WDR59: variants seen among roughly 807,000 people sequenced by gnomAD.
WDR59 encodes GATOR2 complex protein WDR59.
In WDR59, 100 loss-of-function variants were observed where a neutral mutation model predicts 131.2. The ratio of observed to expected loss-of-function variants is 0.76; its 90% CI spans 0.65 to 0.90. The LOEUF (loss-of-function observed/expected upper bound fraction) is 0.90. WDR59 is among the 40% of genes least tolerant of loss of function. The pLI is 0.00. For synonymous variants in WDR59, 601 were observed against 466.2 expected (o/e 1.29, Z -3.72); for missense variants, 1,203 against 1,262.2 (o/e 0.95, Z 0.71).
At chr16:74,968,510 A>G (rs2033862362) in intron 1 of WDR59, among the ~76,000 whole-genome samples, 1 of 152,076 alleles carries the variant, frequency 6.6e-6, no homozygotes, top group Non-Finnish European at 1.5e-5. Context: ...CACCTGAGGT[A>G]AGGAGTTCAA....
intron 8 of WDR59, among the ~76,000 whole-genome samples, chr16:74,927,598 A>AAC (rs1237491788): frequency 6.6e-6 from 1 of 151,242 alleles, no homozygotes; most frequent in East Asian, 1.9e-4. Flanking sequence ...AAAAAAAAAA[A>AAC]AAAAAAAAAG....
intron 1 of WDR59, among the ~76,000 whole-genome samples, chr16:74,979,973 C>G (rs182976860): frequency 1.3e-5 from 2 of 151,296 alleles, no homozygotes; most frequent in African/African-American, 4.9e-5. Flanking sequence ...CTCAGCCTCC[C>G]GAGTAGCTGG....
At chr16:74,938,069 G>A (rs2031943904) in intron 8 of WDR59, 81 bp downstream of exon 8, 3 of 994,918 alleles carry the variant, frequency 3.0e-6, no homozygotes, top group African/African-American at 3.3e-5. Flanking sequence ...ACACACTGCA[G>A]CTTTCCAACC....
chr16:74,905,267 C>T (rs796884403), intron 17 of WDR59, among the ~76,000 whole-genome samples: 7 of 151,884 alleles, frequency 4.6e-5, no homozygotes, highest in African/African-American at 7.2e-5. Context: ...CCCAGCTACT[C>T]GGGAGGTTGA....
chr16:74,912,182 G>C lies in WDR59; in HGVS notation c.1389+16C>G, dbSNP rs530139444. On this transcript the variant is annotated intron_variant, in intron 14 of 25. Coordinates refer to ENST00000262144, the MANE Select transcript of WDR59 (RefSeq NM_030581.4). ...ATGCAGAACAGCAAGGAGAATTTGGGAACCCAGACCCCCACCTTCAGCAGC... is the reference window on the plus strand; with the variant it reads ...ATGCAGAACAGCAAGGAGAATTTGGCAACCCAGACCCCCACCTTCAGCAGC... The C allele has an allele frequency of 5.6e-6, 9 of 1,614,132 alleles. 1 individual carries two copies. In the South Asian group the frequency reaches 9.9e-5, roughly 18 times the overall value.
chr16:74,917,017 C>G (rs1021154226), intron 11 of WDR59, among the ~76,000 whole-genome samples: 2 of 152,144 alleles, frequency 1.3e-5, no homozygotes, highest in African/African-American at 4.8e-5. Flanking sequence ...CCAGTATTTT[C>G]TATTCATTCT....
chr16:74,906,320 A>AAAAAAAAAAAAAAAAAAAAAAC (rs765077670), intron 17 of WDR59, among the ~76,000 whole-genome samples: 2 of 136,282 alleles, frequency 1.5e-5, no homozygotes, highest in African/African-American at 5.3e-5. Context: ...TCTCAAAAAA[A>AAAAAAAAAAAAAAAAAAAAAAC]AAAAAACCCA....
chr16:74,978,384 C>G (rs1345326288), intron 1 of WDR59, among the ~76,000 whole-genome samples: 1 of 148,542 alleles, frequency 6.7e-6, no homozygotes, highest in African/African-American at 2.5e-5. Flanking sequence ...CTCAGTTATT[C>G]AGGAGGCTGA....
chr16:74,884,837 T>G (rs111370625), intron 25 of WDR59, among the ~76,000 whole-genome samples: 2,291 of 152,280 alleles, frequency 0.015, 42 homozygotes, highest in African/African-American at 0.05. Context: ...TTTTCACCAC[T>G]CTGCACCGAT....
In WDR59 at chr16:74,911,706, A is replaced by G. The variant is rs571461807; in HGVS notation, c.1389+492T>C. On this transcript the variant is annotated intron_variant, in intron 14 of 25. Transcript: ENST00000262144. The stretch of plus-strand genomic sequence containing the variant: ...GATAAAATTTTTTTTATGACCTTAC[A>G]TATGTTTTTTTCTAATTATAAAATA... Among the ~76,000 whole-genome samples, 122 of 152,250 alleles carry G rather than the reference A, an allele frequency of 8.0e-4. 1 individual carries two copies. Among genetic ancestry groups the G allele is most frequent in the African/African-American group, 2.7e-3 (113 of 41,532 alleles).
intron 9 of WDR59, among the ~76,000 whole-genome samples, chr16:74,922,568 C>T (rs1017272022): frequency 6.6e-6 from 1 of 152,134 alleles, no homozygotes; most frequent in Non-Finnish European, 1.5e-5. Context: ...ACCTTCCCGC[C>T]CCCCCGGCAC....
rs1354941181 is a variant in WDR59, at chr16:74,916,008, G to A, written c.1100-14C>T. ...CTTCTTTTAGGGCTAGCAGGAGAGA[G>A]AAGTTCAATGTTGGAAAGCATTTTT... is the stretch of plus-strand genomic sequence containing the variant. On this transcript the variant is annotated splice_polypyrimidine_tract_variant and intron_variant, in intron 12 of 25. Transcript: ENST00000262144. The A allele has an allele frequency of 1.9e-6, 3 of 1,614,048 alleles. No individual in the cohort carries two copies. The highest frequency in any genetic ancestry group is 2.5e-6 in the Non-Finnish European group (3 of 1,180,030).
chr16:74,912,987 G>A (rs769794556), intron 13 of WDR59, among the ~76,000 whole-genome samples: 34 of 151,984 alleles, frequency 2.2e-4, no homozygotes, highest in Non-Finnish European at 3.5e-4. Context: ...GCCTTCCAGC[G>A]TGGGCATCAC....
chr16:74,984,888 G>A, intron 1 of WDR59, 76 bp downstream of exon 1: 2 of 1,561,382 alleles, frequency 1.3e-6, no homozygotes, highest in South Asian at 1.2e-5. Flanking sequence ...AGCCCCCCGG[G>A]ACGGAAGCAG....
chr16:74,874,064 G>A lies in WDR59; in HGVS notation c.*145C>T, dbSNP rs1011376837. 1 of 666,276 alleles carries A rather than the reference G, an allele frequency of 1.5e-6. No individual in the cohort carries two copies. The highest frequency in any genetic ancestry group is 1.8e-5 in the African/African-American group (1 of 55,190). The allele number at this position is 666,276 out of a possible 1,614,324, so 41.3% of individuals were successfully genotyped here. On this transcript the variant is annotated 3_prime_UTR_variant, in exon 26 of 26. Transcript: ENST00000262144. ...AAGAGAAGGCAGAGGCCCACCAAGA[G>A]CTGATGCTGCGCAGTCCTTGGGGGA...
At chr16:74,976,486 A>T (rs539331326) in intron 1 of WDR59, among the ~76,000 whole-genome samples, 2 of 144,266 alleles carry the variant, frequency 1.4e-5, no homozygotes, top group South Asian at 4.4e-4. Flanking sequence ...CCTGTCGCCC[A>T]GGCTGGAGTC....
chr16:74,923,127 T>C (rs1348458631), intron 9 of WDR59, among the ~76,000 whole-genome samples: 1 of 152,222 alleles, frequency 6.6e-6, no homozygotes, highest in Non-Finnish European at 1.5e-5. Flanking sequence ...CAGAATTGTA[T>C]ACTTTGGTGG....
At chr16:74,970,495 CAAAAAAAAAAAAAAAAAAA>C (rs746574195) in intron 1 of WDR59, among the ~76,000 whole-genome samples, 8 of 33,446 alleles carry the variant, frequency 2.4e-4, no homozygotes, top group Admixed American at 3.4e-4. Context: ...ACTCTGTCTC[CAAAAAAAAAAAAAAAAAAA>C]AAAAAAAAAA....
At chr16:74,977,844 T>A (rs1364889725) in intron 1 of WDR59, among the ~76,000 whole-genome samples, 2 of 152,182 alleles carry the variant, frequency 1.3e-5, no homozygotes, top group African/African-American at 4.8e-5. Flanking sequence ...GGAACACTAC[T>A]CAGCAAGAAG....
Sources: allele counts gnomAD v4.1 joint callset (sites outside exome capture counted in the v4.1 genomes callset), GRCh38; gene constraint gnomAD v4.1.1; transcripts MANE v1.5; gene names NCBI Gene and HGNC (gene_info 2026-07-23, HGNC 2026-07-21).